The following USP10 variants were observed in gnomAD, a reference collection of about 807,000 sequenced individuals.
The protein encoded by USP10 is ubiquitin specific peptidase 10.
A neutral mutation model predicts 84.5 loss-of-function variants in USP10; 22 were observed. The ratio of observed to expected loss-of-function variants is 0.26; its 90% CI spans 0.19 to 0.37. The LOEUF is 0.37. Ranked by LOEUF, USP10 falls within the 10% of genes least tolerant of loss-of-function variation. The pLI is 1.00. For synonymous variants in USP10, 454 were observed against 387.6 expected (o/e 1.17, Z -2.01); for missense variants, 1,019 against 998.9 (o/e 1.02, Z -0.27).
intron 1 of USP10, among the ~76,000 whole-genome samples, chr16:84,703,356 C>A (rs888743190): frequency 3.9e-5 from 6 of 152,056 alleles, no homozygotes; most frequent in African/African-American, 1.4e-4. Context: ...CTTCCTACAC[C>A]CAATTTGAAT....
At chr16:84,756,516 C>G (rs1912563494) in intron 4 of USP10, among the ~76,000 whole-genome samples, 1 of 152,122 alleles carries the variant, frequency 6.6e-6, no homozygotes, top group Admixed American at 6.5e-5. Context: ...TCACTTGAAC[C>G]CAGGACACAG....
chr16:84,700,147 C>G, intron 1 of USP10, 36 bp downstream of exon 1: 1 of 1,264,754 alleles, frequency 7.9e-7, no homozygotes, highest in East Asian at 4.2e-5. Flanking sequence ...CGGAAGGGGC[C>G]CGAGCCCCGG....
rs1250546628 is a variant in USP10, at chr16:84,779,879, A to G, written c.*797A>G. The stretch of plus-strand genomic sequence containing the variant: ...ACACAGTTTAGTGATATCTAGGAGT[A>G]TAAAGTTGTCGCCCATCAATAAAAA... On this transcript the variant is annotated 3_prime_UTR_variant, in exon 14 of 14. Coordinates refer to ENST00000219473, the MANE Select transcript of USP10 (RefSeq NM_005153.3). The G allele has an allele frequency of 1.3e-5, 2 of 152,238 alleles. No homozygotes were observed. Among genetic ancestry groups the G allele is most frequent in the African/African-American group, 2.4e-5 (1 of 41,442 alleles). The allele number at this position is 152,238 out of a possible 1,614,324, so 9.4% of individuals were successfully genotyped here.
At chr16:84,703,865 G>A (rs910102516) in intron 1 of USP10, among the ~76,000 whole-genome samples, 5 of 152,160 alleles carry the variant, frequency 3.3e-5, no homozygotes, top group Non-Finnish European at 4.4e-5. Context: ...AGAGCACAGC[G>A]CACTGAAATT....
At position 84,768,241 on chromosome 16, in the gene USP10, A is replaced by G. The variant is rs372532653; in HGVS notation, c.1881A>G (p.Pro627=). ...QSSKESATLQ[P]FFTLQLDIQS... ...CAAAAGAATCTGCCACTTTGCAGCCATTTTTCACGTTGCAGTTGGATATCC... is the reference window on the plus strand; with the variant it reads ...CAAAAGAATCTGCCACTTTGCAGCCGTTTTTCACGTTGCAGTTGGATATCC... The change falls in exon 11 of 14, where the codon CCA becomes CCG. Residue 627 remains proline, a synonymous_variant. Coordinates refer to ENST00000219473, the MANE Select transcript of USP10 (RefSeq NM_005153.3). 95 of 1,603,390 alleles carry G rather than the reference A, an allele frequency of 5.9e-5. 1 individual carries two copies. The African/African-American group carries it at 7.7e-4, about 13-fold the overall frequency.
intron 4 of USP10, among the ~76,000 whole-genome samples, chr16:84,754,490 G>C (rs910869471): frequency 1.3e-5 from 2 of 152,180 alleles, no homozygotes; most frequent in African/African-American, 4.8e-5. Flanking sequence ...GGGCCCGTAC[G>C]TATGTTCTGC....
intron 10 of USP10, among the ~76,000 whole-genome samples, chr16:84,766,211 C>T (rs1473347737): frequency 2.0e-5 from 3 of 152,208 alleles, no homozygotes; most frequent in South Asian, 2.1e-4. Flanking sequence ...GCTGGTTTCC[C>T]GTCCTCTGTG....
Position 84,763,070 on chromosome 16 carries a change from C to T in USP10, c.1636C>T (p.Leu546Phe). 1.2e-6 allele frequency: 2 copies of T among 1,610,944 alleles called. No homozygotes were observed. The highest frequency in any genetic ancestry group is 1.7e-6 in the Non-Finnish European group (2 of 1,177,564). Residue 546 changes from leucine to phenylalanine, a missense_variant, in exon 9 of 14, where the codon CTC becomes TTC. Around this residue, in one of 2 missense-constraint regions of USP10, gnomAD observed 787 missense variants for 708.8 expected, o/e 1.11. Transcript: ENST00000219473. The part of the protein sequence containing the change: ...HEEMLNLKKL[L>F]SPSNEKLTIS... The stretch of plus-strand genomic sequence containing the variant: ...GGAAATGTTGAACCTAAAGAAGCTT[C>T]TCTCACCAAGTAATGAAAGTAGGTT...
At chr16:84,736,998 C>G (rs1433857237) in intron 2 of USP10, among the ~76,000 whole-genome samples, 1 of 152,190 alleles carries the variant, frequency 6.6e-6, no homozygotes, top group African/African-American at 2.4e-5. Context: ...CCGGGTTAGC[C>G]AGGATGGTCT....
Position 84,744,657 on chromosome 16 carries a change from T to C in USP10, c.176T>C (p.Phe59Ser), listed in dbSNP as rs781562254. Residue 59 changes from phenylalanine to serine, a missense_variant, in exon 4 of 14, where the codon TTT (phenylalanine) becomes TCT (serine). Transcript: ENST00000219473. The part of the protein sequence containing the change: ...PDGQEYQRIE[F>S]GVDEVIEPSD... ...GGACAAGAATATCAGAGAATTGAGT[T>C]TGGTGTCGATGAAGTCATTGAACCC... The C allele has an allele frequency of 1.2e-6, 2 of 1,610,960 alleles. No individual in the cohort carries two copies. The highest frequency in any genetic ancestry group is 2.2e-5 in the South Asian group (2 of 90,970).
rs1262269895 is a variant in USP10, at chr16:84,744,864, C to G, written c.383C>G (p.Ser128Cys). ...PGSALALDGS[S>C]NVEAEVLEND... ...TCTGCCCTCGCTTTGGATGGAAGTT[C>G]TAATGTGGAGGCGGAAGTTTTGGAA... Residue 128 changes from serine (S) to cysteine (C), a missense_variant, in exon 4 of 14, where the codon TCT (serine) becomes TGT (cysteine). By Grantham distance (112) the Ser-to-Cys change is moderately radical (BLOSUM62 -1). Coordinates refer to ENST00000219473, the MANE Select transcript of USP10 (RefSeq NM_005153.3). 6.2e-7 allele frequency: 1 copy of G among 1,613,556 alleles called. No individual in the cohort carries two copies. The highest frequency in any genetic ancestry group is 1.7e-5 in the Admixed American group (1 of 59,986).
At chr16:84,778,118 T>TGTGTGTGTGTG (rs1491384504) in intron 13 of USP10, among the ~76,000 whole-genome samples, 6 of 151,674 alleles carry the variant, frequency 4.0e-5, no homozygotes, top group South Asian at 2.1e-4. Flanking sequence ...TGTGTGTGTG[T>TGTGTGTGTGTG]TTTGTTCTGT....
intron 4 of USP10, among the ~76,000 whole-genome samples, chr16:84,752,060 T>C (rs903816402): frequency 5.9e-5 from 9 of 152,170 alleles, no homozygotes; most frequent in Admixed American, 1.3e-4. Context: ...GCAACTCCAT[T>C]TTTCTGTATG....
At chr16:84,720,275 G>A (rs1907610995) in intron 1 of USP10, among the ~76,000 whole-genome samples, 1 of 152,196 alleles carries the variant, frequency 6.6e-6, no homozygotes, top group Non-Finnish European at 1.5e-5. Context: ...CCAGTAGCTG[G>A]CCTTCTGTTG....
chr16:84,765,395 C>T (rs1369255850), intron 10 of USP10, among the ~76,000 whole-genome samples: 2 of 152,004 alleles, frequency 1.3e-5, no homozygotes, highest in East Asian at 3.9e-4. Context: ...TGTGGCTGCC[C>T]TTGGTGTCCT....
chr16:84,732,361 C>G (rs1909337716), intron 1 of USP10: 1 of 366,190 alleles, frequency 2.7e-6, no homozygotes, highest in African/African-American at 2.2e-5. Context: ...TTTGTAGGTT[C>G]TAAATAATTA....
chr16:84,745,792 C>G, intron 4 of USP10, 119 bp downstream of exon 4: 1 of 1,025,802 alleles, frequency 9.7e-7, no homozygotes, highest in South Asian at 1.7e-5. Context: ...ATAGCAACGT[C>G]TGAAGGATGC....
At chr16:84,703,025 C>T (rs1381873977) in intron 1 of USP10, among the ~76,000 whole-genome samples, 1 of 141,748 alleles carries the variant, frequency 7.1e-6, no homozygotes, top group African/African-American at 2.7e-5. Flanking sequence ...AGCGAAACTC[C>T]ATCTCAAAAT....
At chr16:84,727,512 T>C (rs1308987665) in intron 1 of USP10, among the ~76,000 whole-genome samples, 1 of 152,184 alleles carries the variant, frequency 6.6e-6, no homozygotes, top group African/African-American at 2.4e-5. Flanking sequence ...TGCAAATAGT[T>C]TGAAACTTGA....
Sources: gnomAD v4.1 joint callset for allele counts (sites outside exome capture counted in the v4.1 genomes callset) on GRCh38, gnomAD v4.1.1 for gene constraint, gnomAD v4.1.1 regional missense constraint, MANE v1.5 for transcripts, NCBI Gene and HGNC (gene_info 2026-07-23, HGNC 2026-07-21) for gene names.